The following DENND1A variants were observed in gnomAD, a reference collection of about 807,000 sequenced individuals.
DENND1A encodes the protein DENN domain-containing protein 1A.
DENND1A carries 51 observed loss-of-function variants against 113.7 expected under a neutral mutation model. The observed-to-expected ratio is 0.45, with a 90% CI of 0.36 to 0.57. DENND1A has a LOEUF of 0.57. Among genes scored for constraint, DENND1A ranks in the 20% least tolerant of loss-of-function variants. DENND1A has a pLI of 0.00. For missense variants in DENND1A, 1,258 were observed against 1,395.9 expected (o/e 0.90, Z 1.57); for synonymous variants, 565 against 570.8 (o/e 0.99, Z 0.14).
intron 11 of DENND1A, among the ~76,000 whole-genome samples, chr9:123,592,001 C>T (rs182659664): frequency 1.3e-5 from 2 of 152,286 alleles, no homozygotes; most frequent in East Asian, 3.9e-4. Flanking sequence ...ACTGTGTAAA[C>T]ATCAGCAAGT....
chr9:123,465,308 A>ATTT (rs60428558), intron 13 of DENND1A, among the ~76,000 whole-genome samples: 2 of 80,078 alleles, frequency 2.5e-5, no homozygotes, highest in African/African-American at 4.7e-5. Flanking sequence ...TTTGTCTTTG[A>ATTT]TTTTTTTTTT....
At chr9:123,500,492 G>C (rs988374085) in intron 13 of DENND1A, among the ~76,000 whole-genome samples, 1 of 152,118 alleles carries the variant, frequency 6.6e-6, no homozygotes, top group Non-Finnish European at 1.5e-5. Context: ...CCCCTTCACT[G>C]TCTGGTCTAT....
At chr9:123,501,568 T>C (rs1013341929) in intron 13 of DENND1A, among the ~76,000 whole-genome samples, 12 of 152,238 alleles carry the variant, frequency 7.9e-5, no homozygotes, top group African/African-American at 4.8e-5. Flanking sequence ...CATACAATTT[T>C]ACATTCCCAT....
chr9:123,473,651 G>C (rs1588703736), intron 13 of DENND1A, among the ~76,000 whole-genome samples: 1 of 152,186 alleles, frequency 6.6e-6, no homozygotes, highest in South Asian at 2.1e-4. Context: ...GTAGGAAGCA[G>C]TATGAGGGCT....
chr9:123,452,221 C>A, intron 17 of DENND1A, 55 bp downstream of exon 17: 1 of 1,486,024 alleles, frequency 6.7e-7, no homozygotes, highest in South Asian at 1.1e-5. Context: ...TAAAGAGTCT[C>A]ATCATGCTAA....
intron 5 of DENND1A, among the ~76,000 whole-genome samples, chr9:123,711,498 T>TGTATATAA (rs2066599601): frequency 1.5e-5 from 1 of 64,612 alleles, no homozygotes; most frequent in African/African-American, 8.5e-5. Context: ...TATATATATA[T>TGTATATAA]ATATATGTAT....
intron 13 of DENND1A, among the ~76,000 whole-genome samples, chr9:123,544,075 T>C (rs73571635): frequency 0.051 from 7,822 of 152,320 alleles, 373 homozygotes; most frequent in African/African-American, 0.12. Context: ...AAACCTTATA[T>C]GAATGTGGCT....
chr9:123,489,749 C>T (rs1311734572), intron 13 of DENND1A, among the ~76,000 whole-genome samples: 1 of 152,182 alleles, frequency 6.6e-6, no homozygotes, highest in Non-Finnish European at 1.5e-5. Flanking sequence ...AGACACAGCA[C>T]AAGCTGGTGT....
intron 18 of DENND1A, among the ~76,000 whole-genome samples, chr9:123,441,088 C>T (rs1364257488): frequency 6.6e-6 from 1 of 152,086 alleles, no homozygotes; most frequent in East Asian, 1.9e-4. Flanking sequence ...TGGAAATCCC[C>T]AGGAATGAAA....
chr9:123,917,927 G>A lies in DENND1A; in HGVS notation c.17+11962C>T, dbSNP rs182979691. On this transcript the variant is annotated intron_variant, in intron 1 of 23. Transcript: ENST00000394215. ...AGATCGAGACCATCCTGGCTAACAC[G>A]GTGAAACCCCATCTCTACTAAAAAT... 2.3e-3 allele frequency among the ~76,000 whole-genome samples: 341 copies of A among 151,510 alleles called. 2 individuals carry two copies. The highest frequency in any genetic ancestry group is 6.9e-3 in the African/African-American group (286 of 41,268).
chr9:123,787,016 G>A (rs1315172967), intron 3 of DENND1A, among the ~76,000 whole-genome samples: 1 of 151,896 alleles, frequency 6.6e-6, no homozygotes, highest in Admixed American at 6.6e-5. Context: ...TGAATACAAG[G>A]CCCCAAGGAC....
intron 3 of DENND1A, among the ~76,000 whole-genome samples, chr9:123,788,520 A>G (rs1832532438): frequency 6.6e-6 from 1 of 152,160 alleles, no homozygotes. Flanking sequence ...AATTATTTCC[A>G]TAACTATGAA....
chr9:123,687,285 ACT>A (rs2140311992), intron 5 of DENND1A, among the ~76,000 whole-genome samples: 1 of 151,968 alleles, frequency 6.6e-6, no homozygotes, highest in African/African-American at 2.4e-5. Flanking sequence ...TAACCCAAAC[ACT>A]CTGTACCATA....
At chr9:123,772,678 T>A (rs1347348859) in intron 3 of DENND1A, among the ~76,000 whole-genome samples, 1 of 152,164 alleles carries the variant, frequency 6.6e-6, no homozygotes, top group Admixed American at 6.5e-5. Context: ...TTTTCACAAA[T>A]CTTTTTATGT....
intron 18 of DENND1A, among the ~76,000 whole-genome samples, chr9:123,447,489 C>T (rs532929522): frequency 5.9e-5 from 9 of 152,172 alleles, no homozygotes; most frequent in Non-Finnish European, 1.2e-4. Flanking sequence ...GATGGACCCT[C>T]CATACATCAT....
intron 5 of DENND1A, among the ~76,000 whole-genome samples, chr9:123,746,626 T>G (rs1375606504): frequency 1.3e-5 from 2 of 152,178 alleles, no homozygotes; most frequent in African/African-American, 4.8e-5. Context: ...TTTAGAGCAT[T>G]TTGAATTTTG....
chr9:123,833,293 A>C (rs1006686404), intron 2 of DENND1A, among the ~76,000 whole-genome samples: 2 of 152,162 alleles, frequency 1.3e-5, no homozygotes, highest in African/African-American at 2.4e-5. Flanking sequence ...ATAATCCATC[A>C]AACTGTTAAC....
intron 13 of DENND1A, among the ~76,000 whole-genome samples, chr9:123,503,572 C>T (rs746385565): frequency 6.6e-5 from 10 of 152,206 alleles, no homozygotes; most frequent in Non-Finnish European, 1.3e-4. Context: ...GTAAAACTCA[C>T]ATATCAGCAT....
At chr9:123,874,584 G>A (rs1390763500) in intron 2 of DENND1A, among the ~76,000 whole-genome samples, 12 of 152,124 alleles carry the variant, frequency 7.9e-5, no homozygotes, top group Admixed American at 7.2e-4. Context: ...CTATGATCAC[G>A]CCACTGCACT....
Sources: allele counts gnomAD v4.1 joint callset (sites outside exome capture counted in the v4.1 genomes callset), GRCh38; gene constraint gnomAD v4.1.1; transcripts MANE v1.5; gene names NCBI Gene and HGNC (gene_info 2026-07-23, HGNC 2026-07-21).